The following RGPD8 variants were observed in gnomAD, a reference collection of about 807,000 sequenced individuals.
RGPD8 encodes the protein RANBP2 like and GRIP domain containing 8.
Under a neutral mutation model 89.1 loss-of-function variants are expected in RGPD8, and 15 were observed. The observed-to-expected ratio is 0.17, with a 90% CI of 0.11 to 0.26. RGPD8 has a LOEUF of 0.26. Ranked by LOEUF, RGPD8 falls within the 10% of genes least tolerant of loss-of-function variation. The probability of loss-of-function intolerance (pLI) is 1.00; values close to 1 mark genes in which losing one functional copy is unlikely to be tolerated. For missense variants in RGPD8, 178 were observed against 1,179.6 expected, an observed-to-expected ratio of 0.15 and a Z score of 12.44; for synonymous variants, 62 against 420.9, an observed-to-expected ratio of 0.15 and a Z score of 10.44.
At chr2:112,373,065 A>C (rs1254093404) in intron 22 of RGPD8, among the ~76,000 whole-genome samples, 1 of 147,704 alleles carries the variant, frequency 6.8e-6, no homozygotes, top group Non-Finnish European at 1.5e-5. Context: ...TTAGTAGTAA[A>C]ATTGAGATTC....
chr2:112,431,760 C>T (rs1042473223), intron 1 of RGPD8, among the ~76,000 whole-genome samples: 1 of 152,048 alleles, frequency 6.6e-6, no homozygotes, highest in Non-Finnish European at 1.5e-5. Flanking sequence ...CCTCAGCCTC[C>T]CAGGTAGCTG....
chr2:112,433,189 C>G (rs1452670998), intron 1 of RGPD8, among the ~76,000 whole-genome samples, 193 bp downstream of exon 1: 1 of 138,140 alleles, frequency 7.2e-6, no homozygotes, highest in African/African-American at 2.7e-5. Flanking sequence ...CAGCGCCCGT[C>G]GGGAGCCATG....
At chr2:112,431,729 C>T (rs1332190302) in intron 1 of RGPD8, among the ~76,000 whole-genome samples, 5 of 151,892 alleles carry the variant, frequency 3.3e-5, no homozygotes, top group African/African-American at 4.8e-5. Context: ...CTCCGCCTCC[C>T]GGGTTCAAGC....
chr2:112,428,676 G>A (rs1679881840), intron 1 of RGPD8, among the ~76,000 whole-genome samples: 2 of 152,034 alleles, frequency 1.3e-5, no homozygotes, highest in African/African-American at 4.8e-5. Context: ...AAGTTGGTTA[G>A]TAAGGGTATT....
chr2:112,432,957 CG>C (rs1328445782), intron 1 of RGPD8, among the ~76,000 whole-genome samples: 1 of 107,696 alleles, frequency 9.3e-6, no homozygotes, highest in Non-Finnish European at 2.2e-5. Context: ...AGGCCGCCGC[CG>C]GGCCGGGTCG....
intron 21 of RGPD8, among the ~76,000 whole-genome samples, chr2:112,379,514 G>A (rs1379999732): frequency 1.3e-5 from 2 of 149,868 alleles, no homozygotes; most frequent in Admixed American, 1.3e-4. Flanking sequence ...GGAATCGCTT[G>A]AACCTGGGAG....
Position 112,432,704 on chromosome 2 carries a change from C to G in RGPD8, c.72+678G>C, listed in dbSNP as rs1300522842. 1.9e-5 allele frequency: 19 copies of G among 985,298 alleles called. No homozygotes were observed. In the African/African-American group the frequency reaches 3.0e-4, roughly 15 times the overall value. 61.0% of individuals were successfully genotyped at this position (985,298 alleles called of 1,614,324 possible). A position where few individuals can be genotyped will look rare whatever the true frequency, so the allele number is the denominator to read the frequency against. On this transcript the variant is annotated intron_variant, in intron 1 of 22. Transcript: ENST00000302558. ...GCCCAAGCCCCCGAGAACTAGGCCG[C>G]GCGGGTACTACGGGGCCAGAAAGCC...
intron 20 of RGPD8, among the ~76,000 whole-genome samples, chr2:112,384,910 TTG>T (rs1357115746): frequency 8.1e-5 from 11 of 136,530 alleles, no homozygotes; most frequent in African/African-American, 2.2e-4. Context: ...AAAAAAAATC[TTG>T]TGTTTACTTA....
chr2:112,422,503 A>G (rs1317960927), intron 3 of RGPD8, 45 bp downstream of exon 3: 1 of 1,600,852 alleles, frequency 6.2e-7, no homozygotes, highest in African/African-American at 1.4e-5. Context: ...TCTGGGCATC[A>G]TGTGTTTGGC....
chr2:112,432,851 C>A (rs1413350923), intron 1 of RGPD8, among the ~76,000 whole-genome samples: 1 of 152,240 alleles, frequency 6.6e-6, no homozygotes, highest in South Asian at 2.1e-4. Flanking sequence ...CGCTTGCAAG[C>A]GCCACGCCGC....
intron 4 of RGPD8, among the ~76,000 whole-genome samples, chr2:112,420,119 G>A (rs1410124194): frequency 7.0e-6 from 1 of 142,454 alleles, no homozygotes; most frequent in Non-Finnish European, 1.5e-5. Flanking sequence ...GCAGTGAGCC[G>A]AGGTAGCACC....
chr2:112,422,069 T>C lies in RGPD8; in HGVS notation c.296A>G (p.Lys99Arg). The C allele has an allele frequency of 1.2e-5, 1 of 84,022 alleles. No individual in the cohort carries two copies. The highest frequency in any genetic ancestry group is 2.5e-3 in the Middle Eastern group (1 of 394). 5.2% of individuals were successfully genotyped at this position (84,022 alleles called of 1,614,324 possible). Residue 99 changes from lysine to arginine, a missense_variant, in exon 4 of 23, where the codon AAG becomes AGG. By Grantham distance (26) the Lys-to-Arg change is conservative (BLOSUM62 2). Coordinates refer to ENST00000302558, the MANE Select transcript of RGPD8 (RefSeq NM_001164463.1). Reference protein sequence around the residue: ...LNPTQKDLVLKIAELLCKNDV... With the variant: ...LNPTQKDLVLRIAELLCKNDV... ...ATTTTTACAAAGCAATTCTGCAATC[T>C]TCAACACAAGATCTTTTTGTGTTGG...
At chr2:112,370,359 G>GGGGGTTTTT (rs1249646916) in intron 22 of RGPD8, 147 bp from the exon 23 acceptor site, 1 of 100,750 alleles carries the variant, frequency 9.9e-6, no homozygotes, top group Non-Finnish European at 1.7e-5. Flanking sequence ...GGGGGGGGGG[G>GGGGGTTTTT]TTCTTTTTTT....
chr2:112,416,088 CAAAAA>C (rs1168507298), intron 6 of RGPD8, among the ~76,000 whole-genome samples: 17,700 of 85,610 alleles, frequency 0.21, 5 homozygotes, highest in African/African-American at 0.26. Context: ...GACTCCATCT[CAAAAA>C]AAAAAAAAAA....
In RGPD8 at chr2:112,390,148, C is replaced by T. The variant is rs765871377; in HGVS notation, c.2797G>A (p.Glu933Lys). 4 of 1,602,162 alleles carry T rather than the reference C, an allele frequency of 2.5e-6. No homozygotes were observed. Among genetic ancestry groups the T allele is most frequent in the East Asian group, 2.2e-5 (1 of 44,842 alleles). The change falls in exon 20 of 23, where the codon GAA (glutamate) becomes AAA (lysine). Residue 933 changes from glutamate to lysine, a missense_variant. By Grantham distance (56) the Glu-to-Lys change is moderately conservative (BLOSUM62 1). Transcript: ENST00000302558. ...TCAAGAGGCTTTTCCCTTTTCTTTT[C>T]TTGATTTCCTGGTTCCGAAATGCCA... is the stretch of plus-strand genomic sequence containing the variant. ...KFGISEPGNQ[E>K]KKREKPLEND...
intron 3 of RGPD8, among the ~76,000 whole-genome samples, chr2:112,422,323 T>G (rs1430163694): frequency 1.4e-5 from 2 of 147,762 alleles, no homozygotes; most frequent in Non-Finnish European, 1.5e-5. Flanking sequence ...TTGTGTCATT[T>G]GAATGCAAAA....
Position 112,377,314 on chromosome 2 carries a change from G to C in RGPD8, c.5263+739C>G, listed in dbSNP as rs1477062926. On this transcript the variant is annotated intron_variant, in intron 22 of 22. Coordinates refer to ENST00000302558, the MANE Select transcript of RGPD8 (RefSeq NM_001164463.1). Reference sequence around the variant, plus strand: ...TTTTTTTTTTTTGAGATGGAGTCTCGCTCTGCCGTCAGGCTGGAGTACAGT... The same window carrying C: ...TTTTTTTTTTTTGAGATGGAGTCTCCCTCTGCCGTCAGGCTGGAGTACAGT... 6.5e-5 allele frequency among the ~76,000 whole-genome samples: 6 copies of C among 91,660 alleles called. No homozygotes were observed. In the Admixed American group the frequency reaches 7.5e-4, roughly 11 times the overall value. 60.1% of individuals were successfully genotyped at this position (91,660 alleles called of 152,430 possible).
intron 1 of RGPD8, among the ~76,000 whole-genome samples, chr2:112,426,010 G>A (rs1281430206): frequency 1.3e-5 from 2 of 151,782 alleles, no homozygotes; most frequent in African/African-American, 2.4e-5. Flanking sequence ...TTGCAGTTTG[G>A]GGTGTCACAA....
intron 1 of RGPD8, among the ~76,000 whole-genome samples, chr2:112,425,530 C>T (rs1358962971): frequency 2.0e-5 from 3 of 151,968 alleles, no homozygotes; most frequent in South Asian, 2.1e-4. Flanking sequence ...GAGACTGAGG[C>T]GGGTGGATCA....
Sources: allele counts gnomAD v4.1 joint callset (sites outside exome capture counted in the v4.1 genomes callset), GRCh38; gene constraint gnomAD v4.1.1; transcripts MANE v1.5; gene names NCBI Gene and HGNC (gene_info 2026-07-23, HGNC 2026-07-21).